The following THSD4 variants were observed in gnomAD, a reference collection of about 807,000 sequenced individuals.
The protein encoded by THSD4 is thrombospondin type-1 domain-containing protein 4.
A neutral mutation model predicts 119.0 loss-of-function variants in THSD4; 69 were observed. The ratio of observed to expected loss-of-function variants is 0.58; its 90% confidence interval spans 0.48 to 0.71. The LOEUF is 0.71. Ranked by LOEUF, THSD4 falls within the 30% of genes least tolerant of loss-of-function variation. The probability of loss-of-function intolerance (pLI) is 0.00; values close to 1 mark genes in which losing one functional copy is unlikely to be tolerated. For missense variants in THSD4, 1,393 were observed against 1,391.1 expected (o/e 1.00, Z -0.02); for synonymous variants, 524 against 540.4 (o/e 0.97, Z 0.42).
At chr15:71,202,953 C>T (rs2043815457) in intron 3 of THSD4, among the ~76,000 whole-genome samples, 1 of 152,200 alleles carries the variant, frequency 6.6e-6, no homozygotes, top group African/African-American at 2.4e-5. Context: ...GACATGATTC[C>T]TGCCCTGGGG....
Position 71,728,560 on chromosome 15 carries a change from C to T in THSD4, c.1369C>T (p.Arg457Cys), listed in dbSNP as rs376730199. 9 of 1,614,086 alleles carry T rather than the reference C, an allele frequency of 5.6e-6. No individual in the cohort carries two copies. The highest frequency in any genetic ancestry group is 1.7e-5 in the Admixed American group (1 of 60,028). The stretch of plus-strand genomic sequence containing the variant: ...ATTTTTCTCAACAGCCCTGAGAAGT[C>T]GTTCTGGACGCTCCATCATCAATGG... ...KSNNYLALRS[R>C]SGRSIINGNW... The change falls in exon 9 of 18, where the codon CGT becomes TGT. Residue 457 changes from arginine to cysteine, a missense_variant. Coordinates refer to ENST00000261862, the MANE Select transcript of THSD4 (RefSeq NM_024817.3).
intron 12 of THSD4, 120 bp from the exon 13 acceptor site, chr15:71,746,718 C>G (rs1487866457): frequency 9.1e-7 from 1 of 1,103,952 alleles, no homozygotes; most frequent in Non-Finnish European, 1.3e-6. Context: ...AAGCAATGCT[C>G]TAGTAAGAAA....
At chr15:71,584,310 C>G (rs1456770540) in intron 7 of THSD4, among the ~76,000 whole-genome samples, 1 of 119,420 alleles carries the variant, frequency 8.4e-6, no homozygotes, top group African/African-American at 3.0e-5. Context: ...CTTTGTCACC[C>G]AGGCTGAAGT....
At chr15:71,657,968 T>TG (rs1437269558) in intron 7 of THSD4, among the ~76,000 whole-genome samples, 2 of 152,238 alleles carry the variant, frequency 1.3e-5, no homozygotes, top group African/African-American at 4.8e-5. Flanking sequence ...CTAACTGGGC[T>TG]GGGGCTGAGG....
intron 1 of THSD4, among the ~76,000 whole-genome samples, chr15:71,129,643 A>G (rs562594298): frequency 6.6e-6 from 1 of 152,286 alleles, no homozygotes; most frequent in Non-Finnish European, 1.5e-5. Flanking sequence ...TCTTTTAATC[A>G]CAGCACCTGA....
At chr15:71,297,204 T>G (rs540621924) in intron 6 of THSD4, among the ~76,000 whole-genome samples, 58 of 152,304 alleles carry the variant, frequency 3.8e-4, no homozygotes, top group Non-Finnish European at 6.6e-4. Flanking sequence ...GATTTGCATT[T>G]CTTGAATGGC....
At chr15:71,746,793 G>T in intron 12 of THSD4, 45 bp from the exon 13 acceptor site, 1 of 1,599,426 alleles carries the variant, frequency 6.3e-7, no homozygotes, top group South Asian at 1.1e-5. Context: ...ACTTCCTGTT[G>T]ACTGAAGGTT....
intron 7 of THSD4, among the ~76,000 whole-genome samples, chr15:71,583,497 A>C (rs1002100777): frequency 6.3e-4 from 95 of 150,956 alleles, no homozygotes; most frequent in African/African-American, 2.2e-3. Context: ...TAAAGTTTCT[A>C]AAGTTACGTT....
chr15:71,603,728 C>T (rs4307908), intron 7 of THSD4, among the ~76,000 whole-genome samples: 11,270 of 152,166 alleles, frequency 0.074, 477 homozygotes, highest in South Asian at 0.12. Flanking sequence ...GCTTGAAATG[C>T]CTCTCCCTCT....
At chr15:71,527,149 A>G (rs1391919185) in intron 7 of THSD4, among the ~76,000 whole-genome samples, 1 of 152,154 alleles carries the variant, frequency 6.6e-6, no homozygotes, top group Non-Finnish European at 1.5e-5. Flanking sequence ...ATGTAAGGAC[A>G]CAGCAACAAG....
chr15:71,641,968 AAAACC>A (rs1436900996), intron 7 of THSD4, among the ~76,000 whole-genome samples: 15 of 152,204 alleles, frequency 9.9e-5, no homozygotes, highest in African/African-American at 3.4e-4. Context: ...GCAAATACAT[AAAACC>A]AAATGGAATA....
At chr15:71,597,310 A>G (rs571620625) in intron 7 of THSD4, among the ~76,000 whole-genome samples, 3 of 152,128 alleles carry the variant, frequency 2.0e-5, no homozygotes, top group Non-Finnish European at 4.4e-5. Context: ...TTAGCAATTG[A>G]TATGTATTAT....
At chr15:71,579,603 AG>A (rs1189192647) in intron 7 of THSD4, among the ~76,000 whole-genome samples, 1 of 152,216 alleles carries the variant, frequency 6.6e-6, no homozygotes, top group African/African-American at 2.4e-5. Context: ...GTACTCTTGA[AG>A]GGTGATTCTA....
intron 6 of THSD4, among the ~76,000 whole-genome samples, chr15:71,336,519 G>C (rs1264831416): frequency 6.6e-6 from 1 of 152,186 alleles, no homozygotes; most frequent in Non-Finnish European, 1.5e-5. Context: ...CAGAATGTTT[G>C]GAGTTATCAC....
intron 1 of THSD4, among the ~76,000 whole-genome samples, chr15:71,097,830 C>T (rs2040237758): frequency 6.6e-6 from 1 of 151,536 alleles, no homozygotes; most frequent in Non-Finnish European, 1.5e-5. Flanking sequence ...TTATTTCTTA[C>T]ACTGATCACT....
intron 7 of THSD4, among the ~76,000 whole-genome samples, chr15:71,659,956 C>T (rs2140994859): frequency 6.6e-6 from 1 of 152,236 alleles, no homozygotes; most frequent in Admixed American, 6.5e-5. Context: ...CTTCATCCTT[C>T]TGCTCTGGGA....
rs1363138561 is a variant in THSD4, at chr15:71,115,874, G to C, written c.-80+176G>C. 6.6e-6 allele frequency among the ~76,000 whole-genome samples: 1 copy of C among 151,962 alleles called. No individual in the cohort carries two copies. The highest frequency in any genetic ancestry group is 1.5e-5 in the Non-Finnish European group (1 of 67,962). On this transcript the variant is annotated intron_variant, in intron 1 of 17. Coordinates refer to ENST00000261862, the MANE Select transcript of THSD4 (RefSeq NM_024817.3). This position sits in a 1 kb window ranked among gnomAD's most constrained non-coding sequence, Gnocchi z 4.4. ...GCGCCGCTCCGGGCTCGGGGAGCCA[G>C]CGCGCGCCTGGTCCGTGCGGACGGC...
intron 8 of THSD4, among the ~76,000 whole-genome samples, chr15:71,677,469 G>A (rs2051676727): frequency 6.6e-6 from 1 of 152,200 alleles, no homozygotes; most frequent in South Asian, 2.1e-4. Context: ...GCTGTTGTTT[G>A]TTTTAGCACT....
rs1260616284 is a variant in THSD4, at chr15:71,141,469, T to A, written c.-59T>A. 1.3e-6 allele frequency: 2 copies of A among 1,551,296 alleles called. No homozygotes were observed. The highest frequency in any genetic ancestry group is 1.4e-5 in the African/African-American group (1 of 72,470). On this transcript the variant is annotated 5_prime_UTR_variant, in exon 2 of 18. It adds an upstream start codon to the 5' untranslated region. Transcript: ENST00000261862. ...CATAGGACTTGAACGCAACTCCCAA[T>A]TGCAGAAAATTGGCAACGTCTCTGA...
Sources: allele counts gnomAD v4.1 joint callset (sites outside exome capture counted in the v4.1 genomes callset), GRCh38; gene constraint gnomAD v4.1.1; non-coding constraint Gnocchi (gnomAD v3.1); transcripts MANE v1.5; gene names NCBI Gene and HGNC (gene_info 2026-07-23, HGNC 2026-07-21).